The following ATAD2B variants were observed in gnomAD, a reference collection of about 807,000 sequenced individuals.
ATAD2B encodes ATPase family AAA domain-containing protein 2B.
A neutral mutation model predicts 167.6 loss-of-function variants in ATAD2B; 40 were observed. The ratio of observed to expected loss-of-function variants is 0.24; its 90% CI spans 0.19 to 0.31. The LOEUF (loss-of-function observed/expected upper bound fraction) is 0.31, where lower values mean the gene tolerates loss of function less well. ATAD2B is among the 10% of genes least tolerant of loss of function. ATAD2B has a pLI of 1.00. For missense variants in ATAD2B, 1,242 were observed against 1,757.2 expected, an observed-to-expected ratio of 0.71 and a Z score of 5.24; for synonymous variants, 579 against 596.5, an observed-to-expected ratio of 0.97 and a Z score of 0.43.
intron 2 of ATAD2B, among the ~76,000 whole-genome samples, chr2:23,891,896 C>A (rs767443615): frequency 6.6e-6 from 1 of 152,184 alleles, no homozygotes; most frequent in African/African-American, 2.4e-5. Context: ...CTGGGGCACA[C>A]GCTATTGCAA....
Position 23,751,758 on chromosome 2 carries a change from G to A in ATAD2B, c.*288C>T, listed in dbSNP as rs1462932238. The stretch of plus-strand genomic sequence containing the variant: ...CAAAAGAGAGTGCACAAAAAGAGGA[G>A]CAGAAGCGAGAGCAGTTTCTGTAGC... On this transcript the variant is annotated 3_prime_UTR_variant, in exon 28 of 28. Coordinates refer to ENST00000238789, the MANE Select transcript of ATAD2B (RefSeq NM_017552.4). The A allele has an allele frequency of 7.2e-6, 3 of 416,104 alleles. No homozygotes were observed. The highest frequency in any genetic ancestry group is 8.6e-6 in the Non-Finnish European group (2 of 232,728). 25.8% of individuals were successfully genotyped at this position (416,104 alleles called of 1,614,324 possible). A position where few individuals can be genotyped will look rare whatever the true frequency, so the allele number is the denominator to read the frequency against.
the ATAD2B span, among the ~76,000 whole-genome samples, chr2:23,734,767 C>T: frequency 6.6e-6 from 1 of 152,214 alleles, no homozygotes; most frequent in Admixed American, 6.5e-5. Flanking sequence ...TACAATTCAA[C>T]ATGAGATGTG....
At chr2:23,836,869 C>T (rs1363071540) in intron 13 of ATAD2B, among the ~76,000 whole-genome samples, 1 of 152,158 alleles carries the variant, frequency 6.6e-6, no homozygotes, top group African/African-American at 2.4e-5. Context: ...GAAGTGCACA[C>T]CAATTGGTCC....
chr2:23,686,671 T>C, the ATAD2B span, among the ~76,000 whole-genome samples: 2 of 152,102 alleles, frequency 1.3e-5, no homozygotes, highest in Admixed American at 1.3e-4. Flanking sequence ...GATGAGCAGT[T>C]GACCATCTGG....
intron 2 of ATAD2B, among the ~76,000 whole-genome samples, chr2:23,888,603 A>G (rs1699028675): frequency 6.6e-6 from 1 of 152,184 alleles, no homozygotes; most frequent in Non-Finnish European, 1.5e-5. Flanking sequence ...AAAAGCTTTA[A>G]TAACAGATTA....
At chr2:23,784,065 A>C (rs1680455209) in intron 21 of ATAD2B, among the ~76,000 whole-genome samples, 1 of 152,100 alleles carries the variant, frequency 6.6e-6, no homozygotes, top group Non-Finnish European at 1.5e-5. Context: ...TCTCCCTATA[A>C]GGGAGGTAGC....
chr2:23,716,869 A>G, the ATAD2B span, among the ~76,000 whole-genome samples: 182 of 152,304 alleles, frequency 1.2e-3, 1 homozygote, highest in Non-Finnish European at 1.1e-3. Context: ...CCTTACTCTC[A>G]GATAGCTCTC....
intron 22 of ATAD2B, among the ~76,000 whole-genome samples, chr2:23,771,255 CTTCT>C (rs1029819163): frequency 6.6e-6 from 1 of 152,166 alleles, no homozygotes; most frequent in Non-Finnish European, 1.5e-5. Context: ...AACAGGTTTA[CTTCT>C]TTCTTTCTGG....
intron 18 of ATAD2B, among the ~76,000 whole-genome samples, chr2:23,801,412 T>C (rs1370323113): frequency 6.6e-6 from 1 of 151,862 alleles, no homozygotes; most frequent in Non-Finnish European, 1.5e-5. Context: ...TGGGAACAAG[T>C]GATGCCATTT....
At position 23,875,921 on chromosome 2, in the gene ATAD2B, G is replaced by C. The variant is rs753003327; in HGVS notation, c.902-17C>G. The stretch of plus-strand genomic sequence containing the variant: ...GAGCTGGTACTAAAAGGGAAGAAAA[G>C]GATAATAGAGAAATAACTAATAAAT... On this transcript the variant is annotated splice_polypyrimidine_tract_variant and intron_variant, in intron 7 of 27. Coordinates refer to ENST00000238789, the MANE Select transcript of ATAD2B (RefSeq NM_017552.4). 2 of 1,528,518 alleles carry C rather than the reference G, an allele frequency of 1.3e-6. No individual in the cohort carries two copies. The highest frequency in any genetic ancestry group is 3.6e-5 in the Admixed American group (2 of 55,886). 94.7% of individuals were successfully genotyped at this position (1,528,518 alleles called of 1,614,324 possible). A position where few individuals can be genotyped will look rare whatever the true frequency, so the allele number is the denominator to read the frequency against.
At chr2:23,692,788 C>G in the ATAD2B span, among the ~76,000 whole-genome samples, 1 of 152,026 alleles carries the variant, frequency 6.6e-6, no homozygotes, top group East Asian at 1.9e-4. Flanking sequence ...CAGAGCCTAG[C>G]GAGCCAGATT....
intron 19 of ATAD2B, 111 bp from the exon 20 acceptor site, chr2:23,788,758 G>C: frequency 1.1e-6 from 1 of 940,806 alleles, no homozygotes; most frequent in Non-Finnish European, 1.5e-6. Flanking sequence ...AATATTCATA[G>C]ACCATTCACA....
chr2:23,737,733 G>A, the ATAD2B span, among the ~76,000 whole-genome samples: 5 of 152,188 alleles, frequency 3.3e-5, no homozygotes, highest in African/African-American at 1.2e-4. Flanking sequence ...GAAGGTTTCA[G>A]ACGATCAAAC....
At chr2:23,755,743 A>G (rs1366960899) in intron 25 of ATAD2B, among the ~76,000 whole-genome samples, 2 of 152,206 alleles carry the variant, frequency 1.3e-5, no homozygotes, top group African/African-American at 4.8e-5. Context: ...CTGCTTTATA[A>G]AACAAACAGC....
intron 2 of ATAD2B, among the ~76,000 whole-genome samples, chr2:23,891,175 C>T (rs1337877244): frequency 6.6e-6 from 1 of 152,018 alleles, no homozygotes; most frequent in Non-Finnish European, 1.5e-5. Context: ...CACCCGCCAT[C>T]ATGCCCAGCT....
At chr2:23,737,340 G>A in the ATAD2B span, among the ~76,000 whole-genome samples, 1 of 152,162 alleles carries the variant, frequency 6.6e-6, no homozygotes, top group African/African-American at 2.4e-5. Flanking sequence ...ATACTCCTCT[G>A]AGACAAAACT....
At chr2:23,693,426 C>A in the ATAD2B span, 2 of 1,551,644 alleles carry the variant, frequency 1.3e-6, no homozygotes, top group Admixed American at 3.9e-5. Context: ...AGGACGACTT[C>A]ATCGCCTACG....
At position 23,877,547 on chromosome 2, in the gene ATAD2B, G is replaced by A. The variant is rs370794145; in HGVS notation, c.902-1643C>T. On this transcript the variant is annotated intron_variant, in intron 7 of 27. Coordinates refer to ENST00000238789, the MANE Select transcript of ATAD2B (RefSeq NM_017552.4). ...GAAGGGGAGGGGAGGGGAAGGGAGGGGAGGGCAGGGGAAGGGAGGGGAGGG... is the reference window on the plus strand; with the variant it reads ...GAAGGGGAGGGGAGGGGAAGGGAGGAGAGGGCAGGGGAAGGGAGGGGAGGG... Among the ~76,000 whole-genome samples, 4 of 99,496 alleles carry A rather than the reference G, an allele frequency of 4.0e-5. No individual in the cohort carries two copies. The East Asian group carries it at 1.2e-3, about 29-fold the overall frequency. 65.3% of individuals were successfully genotyped at this position (99,496 alleles called of 152,430 possible). A position where few individuals can be genotyped will look rare whatever the true frequency, so the allele number is the denominator to read the frequency against.
At chr2:23,812,663 C>T (rs940131707) in intron 17 of ATAD2B, among the ~76,000 whole-genome samples, 5 of 152,026 alleles carry the variant, frequency 3.3e-5, no homozygotes, top group Non-Finnish European at 5.9e-5. Flanking sequence ...GAGATGAAGG[C>T]CATCCTGGCT....
Sources: allele counts gnomAD v4.1 joint callset (sites outside exome capture counted in the v4.1 genomes callset), GRCh38; gene constraint gnomAD v4.1.1; transcripts MANE v1.5; gene names NCBI Gene and HGNC (gene_info 2026-07-23, HGNC 2026-07-21).